ARRDC4: variants seen among roughly 807,000 people sequenced by gnomAD.
The protein encoded by ARRDC4 is arrestin domain containing 4, also known as arrestin domain-containing protein 4.
A neutral mutation model predicts 44.6 loss-of-function variants in ARRDC4; 40 were observed. That is an observed-to-expected ratio of 0.90 (90% CI 0.70 to 1.17). The LOEUF (loss-of-function observed/expected upper bound fraction) is 1.17, where lower values mean the gene tolerates loss of function less well. Among genes scored for constraint, ARRDC4 ranks in the 50% most tolerant of loss-of-function variants. The probability of loss-of-function intolerance (pLI) is 0.00; values close to 1 mark genes in which losing one functional copy is unlikely to be tolerated. For synonymous variants in ARRDC4, 211 were observed against 221.2 expected (o/e 0.95, Z 0.41); for missense variants, 550 against 559.1 (o/e 0.98, Z 0.16).
Position 97,970,140 on chromosome 15 carries a change from G to T in ARRDC4, c.1045+95G>T, listed in dbSNP as rs1370328054. 10 of 1,263,516 alleles carry T rather than the reference G, an allele frequency of 7.9e-6. No individual in the cohort carries two copies. The Admixed American group carries it at 2.5e-4, about 31-fold the overall frequency. The allele number at this position is 1,263,516 out of a possible 1,614,324, so 78.3% of individuals were successfully genotyped here. A position where few individuals can be genotyped will look rare whatever the true frequency, so the allele number is the denominator to read the frequency against. ...CTATTAAGTGCTCAGATGTTGATGAGTACTGCTACTATAGGTATCTTTATT... is the reference window on the plus strand; with the variant it reads ...CTATTAAGTGCTCAGATGTTGATGATTACTGCTACTATAGGTATCTTTATT... On this transcript the variant is annotated intron_variant, in intron 6 of 7. Transcript: ENST00000268042. This position sits in a 1 kb window ranked among gnomAD's most constrained non-coding sequence, Gnocchi z 4.2.
chr15:97,969,861 T>G (rs778670079), intron 5 of ARRDC4, 22 bp from the exon 6 acceptor site: 1 of 1,493,894 alleles, frequency 6.7e-7, no homozygotes, highest in Non-Finnish European at 9.0e-7. Context: ...TTTCTCTTTT[T>G]TTTTTTTTTT....
chr15:97,968,220 GTATTT>G lies in ARRDC4; in HGVS notation c.625+107_625+111del. 2 of 577,342 alleles carry G rather than the reference GTATTT, an allele frequency of 3.5e-6. No individual in the cohort carries two copies. Among genetic ancestry groups the G allele is most frequent in the Non-Finnish European group, 5.5e-6 (2 of 365,248 alleles). 35.8% of individuals were successfully genotyped at this position (577,342 alleles called of 1,614,324 possible). On this transcript the variant is annotated intron_variant, in intron 4 of 7. Coordinates refer to ENST00000268042, the MANE Select transcript of ARRDC4 (RefSeq NM_183376.3). This position sits in a 1 kb window ranked among gnomAD's most constrained non-coding sequence, Gnocchi z 5.4. ...TTTTTGTAATTATATGACGTGTATA[GTATTT>G]TAAAACATGAATAGTGATACATTTT...
At position 97,960,722 on chromosome 15, in the gene ARRDC4, C is replaced by T. The variant is rs568194292; in HGVS notation, c.-140C>T. 1.6e-5 allele frequency: 11 copies of T among 698,300 alleles called. No homozygotes were observed. Among genetic ancestry groups the T allele is most frequent in the Non-Finnish European group, 1.6e-5 (8 of 500,206 alleles). 43.3% of individuals were successfully genotyped at this position (698,300 alleles called of 1,614,324 possible). On this transcript the variant is annotated 5_prime_UTR_variant, in exon 1 of 8. Transcript: ENST00000268042. ...TAAAGCGACAGGCCTCTCGGCGAGCCGGTGCCCCATCGGGTACCGCACGGC... is the reference window on the plus strand; with the variant it reads ...TAAAGCGACAGGCCTCTCGGCGAGCTGGTGCCCCATCGGGTACCGCACGGC...
chr15:97,968,172 TTTTAAG>T lies in ARRDC4; in HGVS notation c.625+58_625+63del. The T allele has an allele frequency of 8.6e-7, 1 of 1,163,600 alleles. No individual in the cohort carries two copies. The allele number at this position is 1,163,600 out of a possible 1,614,324, so 72.1% of individuals were successfully genotyped here. On this transcript the variant is annotated intron_variant, in intron 4 of 7. Transcript: ENST00000268042. This position sits in a 1 kb window ranked among gnomAD's most constrained non-coding sequence, Gnocchi z 5.4. Reference sequence around the variant, plus strand: ...AGATTTCATTCATTTTCTTAGCTAATTTTAAGTGATTTTAAATAGTGTTTTTTGTAA... The same window carrying T: ...AGATTTCATTCATTTTCTTAGCTAATTGATTTTAAATAGTGTTTTTTGTAA...
chr15:97,963,104 C>G (rs1408854583), intron 1 of ARRDC4, among the ~76,000 whole-genome samples: 1 of 152,244 alleles, frequency 6.6e-6, no homozygotes, highest in African/African-American at 2.4e-5. Context: ...GTCCCTCACC[C>G]TTCCTGAGCC....
chr15:97,961,265 G>A (rs1050650765), intron 1 of ARRDC4, 97 bp downstream of exon 1: 3 of 1,167,560 alleles, frequency 2.6e-6, no homozygotes, highest in Middle Eastern at 3.2e-4. Context: ...CCTGGCAGGT[G>A]AGATCAGGGC....
Position 97,961,042 on chromosome 15 carries a change from G to T in ARRDC4, c.181G>T (p.Gly61Trp). 7.0e-7 allele frequency: 1 copy of T among 1,433,622 alleles called. No homozygotes were observed. Among genetic ancestry groups the T allele is most frequent in the Admixed American group, 2.8e-5 (1 of 36,316 alleles). The allele number at this position is 1,433,622 out of a possible 1,614,324, so 88.8% of individuals were successfully genotyped here. A position where few individuals can be genotyped will look rare whatever the true frequency, so the allele number is the denominator to read the frequency against. Reference sequence around the variant, plus strand: ...GCGCGCGCTGCGCCTGGAGGCCCAGGGGCGCGCCACCGCCGCCTGGGGCCC... The same window carrying T: ...GCGCGCGCTGCGCCTGGAGGCCCAGTGGCGCGCCACCGCCGCCTGGGGCCC... ...ALRALRLEAQ[G>W]RATAAWGPST... Residue 61 changes from glycine to tryptophan, a missense_variant, in exon 1 of 8, where the codon GGG becomes TGG. Physicochemically the swap from Gly to Trp is radical, Grantham distance 184 (BLOSUM62 -2). Transcript: ENST00000268042.
rs1255590269 is a variant in ARRDC4, at chr15:97,972,579, C to G, written c.*1392C>G. 1 of 152,478 alleles carries G rather than the reference C, an allele frequency of 6.6e-6. No individual in the cohort carries two copies. Among genetic ancestry groups the G allele is most frequent in the African/African-American group, 2.4e-5 (1 of 41,400 alleles). 9.4% of individuals were successfully genotyped at this position (152,478 alleles called of 1,614,324 possible). A position where few individuals can be genotyped will look rare whatever the true frequency, so the allele number is the denominator to read the frequency against. On this transcript the variant is annotated 3_prime_UTR_variant, in exon 8 of 8. Coordinates refer to ENST00000268042, the MANE Select transcript of ARRDC4 (RefSeq NM_183376.3). This position sits in a 1 kb window ranked among gnomAD's most constrained non-coding sequence, Gnocchi z 5.3. Reference sequence around the variant, plus strand: ...ATCTGTTGGTTTTGTGAGCTGAGAGCATCTCTGGACACATGGAAGGGAGCC... The same window carrying G: ...ATCTGTTGGTTTTGTGAGCTGAGAGGATCTCTGGACACATGGAAGGGAGCC...
chr15:97,964,251 T>C (rs182954820), intron 1 of ARRDC4, among the ~76,000 whole-genome samples: 127 of 152,288 alleles, frequency 8.3e-4, no homozygotes, highest in South Asian at 1.7e-3. Flanking sequence ...ATTTAAGGGA[T>C]AAAAAATTCC....
In ARRDC4 at chr15:97,968,311, CTGTT is replaced by C. The variant is rs889806967; in HGVS notation, c.625+197_625+200del. Among the ~76,000 whole-genome samples the C allele has an allele frequency of 1.3e-5, 2 of 151,856 alleles. No homozygotes were observed. The highest frequency in any genetic ancestry group is 4.8e-5 in the African/African-American group (2 of 41,338). On this transcript the variant is annotated intron_variant, in intron 4 of 7. Coordinates refer to ENST00000268042, the MANE Select transcript of ARRDC4 (RefSeq NM_183376.3). This position sits in a 1 kb window ranked among gnomAD's most constrained non-coding sequence, Gnocchi z 5.4. ...GGAGGAATTGTTTCCAGTCAAACTCCTGTTTTTTTTCTGACTTCAATCCTGTTAC... is the reference window on the plus strand; with the variant it reads ...GGAGGAATTGTTTCCAGTCAAACTCCTTTTTTCTGACTTCAATCCTGTTAC...
rs1451902413 is a variant in ARRDC4, at chr15:97,973,192, A to G, written c.*2005A>G. Reference sequence around the variant, plus strand: ...CTCCATGATACTAAAACATAATGAAAGAAACAAACTCCAGTATGGAGAAGA... The same window carrying G: ...CTCCATGATACTAAAACATAATGAAGGAAACAAACTCCAGTATGGAGAAGA... On this transcript the variant is annotated 3_prime_UTR_variant, in exon 8 of 8. Coordinates refer to ENST00000268042, the MANE Select transcript of ARRDC4 (RefSeq NM_183376.3). 1.3e-5 allele frequency: 2 copies of G among 152,496 alleles called. No homozygotes were observed. Among genetic ancestry groups the G allele is most frequent in the East Asian group, 3.8e-4 (2 of 5,198 alleles). 9.4% of individuals were successfully genotyped at this position (152,496 alleles called of 1,614,324 possible).
rs1899298935 is a variant in ARRDC4 at position 97,960,923 on chromosome 15, G to T, written c.62G>T (p.Gly21Val). The T allele has an allele frequency of 1.4e-6, 2 of 1,462,504 alleles. No individual in the cohort carries two copies. Among genetic ancestry groups the T allele is most frequent in the African/African-American group, 2.9e-5 (2 of 68,206 alleles). 90.6% of individuals were successfully genotyped at this position (1,462,504 alleles called of 1,614,324 possible). A position where few individuals can be genotyped will look rare whatever the true frequency, so the allele number is the denominator to read the frequency against. ...VGAEGRVKSL[G>V]LVFEDERKGC... is the part of the protein sequence containing the mutation. ...GCCGAGGGCCGCGTGAAGAGCCTGG[G>T]TCTGGTGTTCGAGGACGAGCGCAAG... Residue 21 changes from glycine (G) to valine (V), a missense_variant, in exon 1 of 8, where the codon GGT becomes GTT. Transcript: ENST00000268042.
chr15:97,971,690 A>G lies in ARRDC4; in HGVS notation c.*503A>G, dbSNP rs2141538029. On this transcript the variant is annotated 3_prime_UTR_variant, in exon 8 of 8. Transcript: ENST00000268042. ...TTTGGGTGCTTCATGATTTCCTACC[A>G]TATTCAGGCCTAAAGACATTGAAAA... The G allele has an allele frequency of 6.1e-6, 1 of 162,744 alleles. No homozygotes were observed. Among genetic ancestry groups the G allele is most frequent in the African/African-American group, 2.4e-5 (1 of 41,688 alleles). 10.1% of individuals were successfully genotyped at this position (162,744 alleles called of 1,614,324 possible). A position where few individuals can be genotyped will look rare whatever the true frequency, so the allele number is the denominator to read the frequency against.
chr15:97,968,458 TATTAGACATTCTG>T lies in ARRDC4; in HGVS notation c.625+346_625+358del, dbSNP rs1273374535. Reference sequence around the variant, plus strand: ...AGAGAACTACTGGAGTATGAAATGCTATTAGACATTCTGATTCCATGCTGGCTTGATATATGCA... The same window carrying T: ...AGAGAACTACTGGAGTATGAAATGCTATTCCATGCTGGCTTGATATATGCA... On this transcript the variant is annotated intron_variant, in intron 4 of 7. Coordinates refer to ENST00000268042, the MANE Select transcript of ARRDC4 (RefSeq NM_183376.3). This position sits in a 1 kb window ranked among gnomAD's most constrained non-coding sequence, Gnocchi z 5.4. Among the ~76,000 whole-genome samples the T allele has an allele frequency of 6.6e-6, 1 of 152,206 alleles. No homozygotes were observed. Among genetic ancestry groups the T allele is most frequent in the Non-Finnish European group, 1.5e-5 (1 of 68,038 alleles).
Position 97,970,113 on chromosome 15 carries a change from C to T in ARRDC4, c.1045+68C>T. 6.8e-7 allele frequency: 1 copy of T among 1,478,876 alleles called. No homozygotes were observed. Among genetic ancestry groups the T allele is most frequent in the Middle Eastern group, 1.8e-4 (1 of 5,646 alleles). The allele number at this position is 1,478,876 out of a possible 1,614,324, so 91.6% of individuals were successfully genotyped here. ...AAAATACCTAGGAACAGAATATATA[C>T]ACTATTAAGTGCTCAGATGTTGATG... is the stretch of plus-strand genomic sequence containing the variant. On this transcript the variant is annotated intron_variant, in intron 6 of 7. Coordinates refer to ENST00000268042, the MANE Select transcript of ARRDC4 (RefSeq NM_183376.3). This position sits in a 1 kb window ranked among gnomAD's most constrained non-coding sequence, Gnocchi z 4.2.
chr15:97,969,856 C>CTCTCTT (rs754993418), intron 5 of ARRDC4, 27 bp from the exon 6 acceptor site: 3 of 1,352,670 alleles, frequency 2.2e-6, no homozygotes, highest in Non-Finnish European at 2.0e-6. Flanking sequence ...GTTCCTTTCT[C>CTCTCTT]TTTTTTTTTT....
chr15:97,961,935 CCAGAAGTACCCATGTGGGGACA>C (rs1207819065), intron 1 of ARRDC4, among the ~76,000 whole-genome samples: 1 of 152,130 alleles, frequency 6.6e-6, no homozygotes, highest in Non-Finnish European at 1.5e-5. Context: ...GTAGACTTTT[CCAGAAGTACCCATGTGGGGACA>C]CACTACATGA....
chr15:97,968,300 C>T lies in ARRDC4; in HGVS notation c.625+184C>T, dbSNP rs1392201472. Among the ~76,000 whole-genome samples, 1 of 151,904 alleles carries T rather than the reference C, an allele frequency of 6.6e-6. No individual in the cohort carries two copies. The highest frequency in any genetic ancestry group is 2.4e-5 in the African/African-American group (1 of 41,332). On this transcript the variant is annotated intron_variant, in intron 4 of 7. Coordinates refer to ENST00000268042, the MANE Select transcript of ARRDC4 (RefSeq NM_183376.3). This position sits in a 1 kb window ranked among gnomAD's most constrained non-coding sequence, Gnocchi z 5.4. ...TATTTTTAAAAGGAGGAATTGTTTC[C>T]AGTCAAACTCCTGTTTTTTTTCTGA...
chr15:97,965,835 T>A lies in ARRDC4; in HGVS notation c.375-60T>A. The A allele has an allele frequency of 1.3e-6, 2 of 1,583,482 alleles. No individual in the cohort carries two copies. Among genetic ancestry groups the A allele is most frequent in the South Asian group, 2.3e-5 (2 of 87,836 alleles). On this transcript the variant is annotated intron_variant, in intron 2 of 7. Coordinates refer to ENST00000268042, the MANE Select transcript of ARRDC4 (RefSeq NM_183376.3). This position sits in a 1 kb window ranked among gnomAD's most constrained non-coding sequence, Gnocchi z 5.1. ...AACCTAAAACATTTTAAACCATGCT[T>A]TTTTTGGCTTTGTTTAACTGAAAAG...
Sources: allele counts gnomAD v4.1 joint callset (sites outside exome capture counted in the v4.1 genomes callset), GRCh38; gene constraint gnomAD v4.1.1; non-coding constraint Gnocchi (gnomAD v3.1); transcripts MANE v1.5; gene names NCBI Gene and HGNC (gene_info 2026-07-23, HGNC 2026-07-21).